Variants in PCDHA9 observed in about 807,000 individuals in gnomAD.
The protein encoded by PCDHA9 is protocadherin alpha 9, also known as protocadherin alpha-9.
Under a neutral mutation model 62.0 loss-of-function variants are expected in PCDHA9, and 62 were observed. That is an observed-to-expected ratio of 1.00 (90% CI 0.81 to 1.23). The LOEUF (loss-of-function observed/expected upper bound fraction) is 1.23. PCDHA9 is among the 50% of genes most tolerant of loss of function. The pLI is 0.00. For missense variants in PCDHA9, 1,205 were observed against 1,249.8 expected, an observed-to-expected ratio of 0.96 and a Z score of 0.54; for synonymous variants, 557 against 567.6, an observed-to-expected ratio of 0.98 and a Z score of 0.27.
intron 1 of PCDHA9, chr5:140,871,048 C>G (rs1472650820): frequency 6.2e-7 from 1 of 1,613,230 alleles, no homozygotes; most frequent in Non-Finnish European, 8.5e-7. Flanking sequence ...ACTTCTAGTA[C>G]TGGTGAAGGA....
intron 1 of PCDHA9, chr5:140,968,436 C>T (rs1479503016): frequency 3.1e-6 from 5 of 1,613,876 alleles, no homozygotes; most frequent in Non-Finnish European, 3.4e-6. Context: ...AAGGGGAGCC[C>T]ACCACTGAGC....
At chr5:140,985,310 TG>T (rs1563522847) in intron 3 of PCDHA9, among the ~76,000 whole-genome samples, 2 of 152,196 alleles carry the variant, frequency 1.3e-5, no homozygotes, top group African/African-American at 4.8e-5. Flanking sequence ...GATAGCCTGG[TG>T]GCCAGAATTC....
intron 1 of PCDHA9, among the ~76,000 whole-genome samples, chr5:140,951,145 TG>T (rs1554219754): frequency 9.9e-6 from 1 of 100,698 alleles, no homozygotes; most frequent in African/African-American, 4.8e-5. Flanking sequence ...TTTATCTTAT[TG>T]AATATAGTTA....
chr5:140,870,537 G>C (rs575452776), intron 1 of PCDHA9: 1 of 1,614,172 alleles, frequency 6.2e-7, no homozygotes, highest in Non-Finnish European at 8.5e-7. Context: ...CAGTGTCGGC[G>C]CGGGACGCGG....
chr5:140,892,793 A>G (rs1292583572), intron 1 of PCDHA9, among the ~76,000 whole-genome samples: 1 of 152,224 alleles, frequency 6.6e-6, no homozygotes, highest in Non-Finnish European at 1.5e-5. Context: ...TATGTAAGAA[A>G]TTATAGTTAA....
At chr5:140,862,646 C>A (rs2047467861) in intron 1 of PCDHA9, 1 of 541,802 alleles carries the variant, frequency 1.8e-6, no homozygotes, top group Admixed American at 1.9e-5. Flanking sequence ...TTCACAGTGT[C>A]CGCGCGGGAC....
rs185275722 is a variant in PCDHA9 at position 140,880,200 on chromosome 5, G to A, written c.2394+29311G>A. Among the ~76,000 whole-genome samples the A allele has an allele frequency of 2.9e-3, 441 of 152,242 alleles. 2 individuals are homozygous for A. The highest frequency in any genetic ancestry group is 9.7e-3 in the African/African-American group (402 of 41,548). ...TGAAGGGAAAAAGATAAACAGAAGA[G>A]GTTTTCCACCAGAAGTAGAACATTT... is the stretch of plus-strand genomic sequence containing the variant. On this transcript the variant is annotated intron_variant, in intron 1 of 3. Coordinates refer to ENST00000532602, the MANE Select transcript of PCDHA9 (RefSeq NM_031857.2).
chr5:140,876,034 A>G, intron 1 of PCDHA9: 1 of 1,613,792 alleles, frequency 6.2e-7, no homozygotes, highest in Admixed American at 1.7e-5. Flanking sequence ...AAAAAAAGAT[A>G]AAAGTATATT....
At chr5:140,994,788 C>A (rs139745274) in intron 3 of PCDHA9, among the ~76,000 whole-genome samples, 6 of 152,076 alleles carry the variant, frequency 3.9e-5, no homozygotes, top group Admixed American at 3.9e-4. Flanking sequence ...GGAAACAATG[C>A]GTGCATGCAA....
At chr5:140,876,671 C>A in intron 1 of PCDHA9, 1 of 1,614,212 alleles carries the variant, frequency 6.2e-7, no homozygotes, top group African/African-American at 1.3e-5. Flanking sequence ...CTGGTGTCCA[C>A]CTACAAGAAT....
At chr5:140,934,511 T>C (rs999288213) in intron 1 of PCDHA9, among the ~76,000 whole-genome samples, 1 of 152,210 alleles carries the variant, frequency 6.6e-6, no homozygotes, top group East Asian at 1.9e-4. Context: ...AAAGGGTCCA[T>C]AGACCACACT....
chr5:140,978,802 T>C, intron 1 of PCDHA9, 147 bp from the exon 2 acceptor site: 1 of 1,483,264 alleles, frequency 6.7e-7, no homozygotes, highest in Non-Finnish European at 9.0e-7. Flanking sequence ...TATGTAGATA[T>C]CATCATAGAG....
chr5:140,849,513 G>A lies in PCDHA9; in HGVS notation c.1018G>A (p.Val340Ile), dbSNP rs2150439555. The A allele has an allele frequency of 6.3e-7, 1 of 1,597,076 alleles. No homozygotes were observed. The highest frequency in any genetic ancestry group is 8.6e-7 in the Non-Finnish European group (1 of 1,167,208). Residue 340 changes from valine to isoleucine, a missense_variant, in exon 1 of 4, where the codon GTT becomes ATT. Val to Ile is a conservative substitution (Grantham distance 29). Around this residue, in one of 3 missense-constraint regions of PCDHA9, gnomAD observed 110 missense variants for 227.2 expected, o/e 0.48. Coordinates refer to ENST00000532602, the MANE Select transcript of PCDHA9 (RefSeq NM_031857.2). Reference sequence around the variant, plus strand: ...TGGTCATTGTACACTTCTTGTGGAAGTTGTGGATGTAAATGACAATGCTCC... The same window carrying A: ...TGGTCATTGTACACTTCTTGTGGAAATTGTGGATGTAAATGACAATGCTCC... ...LAGHCTLLVE[V>I]VDVNDNAPQL...
chr5:140,992,017 C>CTGTGTGTGTGTG (rs10602499), intron 3 of PCDHA9, among the ~76,000 whole-genome samples: 10 of 145,628 alleles, frequency 6.9e-5, no homozygotes, highest in African/African-American at 2.3e-4. Flanking sequence ...AGAGGTGGCT[C>CTGTGTGTGTGTG]TGTGTGTGTG....
chr5:140,882,100 C>T, intron 1 of PCDHA9: 1 of 1,277,590 alleles, frequency 7.8e-7, no homozygotes, highest in Non-Finnish European at 1.1e-6. Flanking sequence ...AGAACGTTTC[C>T]GCGAAGAAAG....
chr5:140,866,321 C>A (rs1282592787), intron 1 of PCDHA9: 1 of 152,000 alleles, frequency 6.6e-6, no homozygotes, highest in Non-Finnish European at 1.5e-5. Flanking sequence ...TTTCAGGGAC[C>A]CTGAACTTGG....
At chr5:140,958,905 A>G (rs1295198062) in intron 1 of PCDHA9, among the ~76,000 whole-genome samples, 1 of 149,390 alleles carries the variant, frequency 6.7e-6, no homozygotes, top group Non-Finnish European at 1.5e-5. Flanking sequence ...AGATACAGAA[A>G]AGTCTGCCTG....
chr5:140,987,043 A>G (rs1406153632), intron 3 of PCDHA9, among the ~76,000 whole-genome samples: 5 of 151,912 alleles, frequency 3.3e-5, no homozygotes, highest in Non-Finnish European at 7.4e-5. Flanking sequence ...GCGAAACCCC[A>G]TCTCTACTAA....
chr5:140,991,879 G>A (rs1464021872), intron 3 of PCDHA9, among the ~76,000 whole-genome samples: 1 of 152,174 alleles, frequency 6.6e-6, no homozygotes, highest in Non-Finnish European at 1.5e-5. Flanking sequence ...TCCTAGGGCT[G>A]CCATAACAAA....
Sources: allele counts gnomAD v4.1 joint callset (sites outside exome capture counted in the v4.1 genomes callset), GRCh38; gene constraint gnomAD v4.1.1; regional missense constraint gnomAD v4.1.1; transcripts MANE v1.5; gene names NCBI Gene and HGNC (gene_info 2026-07-23, HGNC 2026-07-21).